COL12A1: variants seen among roughly 807,000 people sequenced by gnomAD.
COL12A1 encodes the protein collagen alpha-1(XII) chain.
A neutral mutation model predicts 349.7 loss-of-function variants in COL12A1; 114 were observed. That is an observed-to-expected ratio of 0.33 (90% confidence interval 0.28 to 0.38). The LOEUF (loss-of-function observed/expected upper bound fraction) is 0.38. Among genes scored for constraint, COL12A1 ranks in the 10% least tolerant of loss-of-function variants. COL12A1 has a pLI of 1.00. For missense variants in COL12A1, 3,284 were observed against 3,756.9 expected (o/e 0.87, Z 3.29); for synonymous variants, 1,369 against 1,329.0 (o/e 1.03, Z -0.66).
Position 75,158,142 on chromosome 6 carries a change from T to G in COL12A1, c.2984-1619A>C, listed in dbSNP as rs141568285. Among the ~76,000 whole-genome samples the G allele has an allele frequency of 1.3e-3, 198 of 152,258 alleles. 1 individual carries two copies. The highest frequency in any genetic ancestry group is 4.3e-3 in the African/African-American group (180 of 41,546). ...AAAACTTATGACTTGTATCATGGATTGAAGGTCTCCCACCACTAAATTCAT... is the reference window on the plus strand; with the variant it reads ...AAAACTTATGACTTGTATCATGGATGGAAGGTCTCCCACCACTAAATTCAT... On this transcript the variant is annotated intron_variant, in intron 14 of 65. Coordinates refer to ENST00000322507, the MANE Select transcript of COL12A1 (RefSeq NM_004370.6).
intron 43 of COL12A1, among the ~76,000 whole-genome samples, chr6:75,122,583 A>C (rs762288643): frequency 6.6e-6 from 1 of 152,246 alleles, no homozygotes; most frequent in Non-Finnish European, 1.5e-5. Flanking sequence ...ATCTAATTTA[A>C]AGGAATCCAT....
At chr6:75,121,788 G>T (rs951672079) in intron 43 of COL12A1, among the ~76,000 whole-genome samples, 1 of 151,780 alleles carries the variant, frequency 6.6e-6, no homozygotes, top group East Asian at 1.9e-4. Context: ...ATAAATGAGA[G>T]GAGAAATCAA....
Position 75,089,168 on chromosome 6 carries a change from G to A in COL12A1, c.8948C>T (p.Pro2983Leu). ...AGTACCCCTTTCACCTTTCTCTCCT[G>A]GCAAACCTAAGGAGGGAGAAAAAGA... ...MQGPPGERGLPGEKGERGTGS... is the reference protein window; with the variant it reads ...MQGPPGERGLLGEKGERGTGS... The change falls in exon 64 of 66, where the codon CCA becomes CTA. Residue 2983 changes from proline (P) to leucine (L), a missense_variant. Pro to Leu is a moderately conservative substitution (Grantham distance 98). Coordinates refer to ENST00000322507, the MANE Select transcript of COL12A1 (RefSeq NM_004370.6). The A allele has an allele frequency of 1.9e-6, 3 of 1,608,504 alleles. No individual in the cohort carries two copies. Among genetic ancestry groups the A allele is most frequent in the Non-Finnish European group, 2.5e-6 (3 of 1,178,260 alleles).
At chr6:75,196,873 C>A (rs897838484) in intron 2 of COL12A1, among the ~76,000 whole-genome samples, 1 of 152,124 alleles carries the variant, frequency 6.6e-6, no homozygotes, top group African/African-American at 2.4e-5. Flanking sequence ...GCAGTAGCAG[C>A]CCCCCTTGTT....
intron 43 of COL12A1, 139 bp from the exon 44 acceptor site, chr6:75,121,580 T>C (rs1169594117): frequency 2.0e-6 from 2 of 1,016,250 alleles, no homozygotes; most frequent in Non-Finnish European, 2.7e-6. Context: ...TGGGAGCTTG[T>C]TAGAAATGCA....
In COL12A1 at chr6:75,133,898, T is replaced by A. The variant is rs1766439498; in HGVS notation, c.5624A>T (p.Lys1875Met). 3 of 1,614,014 alleles carry A rather than the reference T, an allele frequency of 1.9e-6. No homozygotes were observed. The African/African-American group carries it at 4.0e-5, about 22-fold the overall frequency. Residue 1875 changes from lysine to methionine, a missense_variant, in exon 33 of 66, where the codon AAG (lysine) becomes ATG (methionine). Coordinates refer to ENST00000322507, the MANE Select transcript of COL12A1 (RefSeq NM_004370.6). ...ACCTGCTGCTGGTGCATAGAAGAGC[T>A]TGTACTGACGAGGATTTCCCTCTGC... ...DHAEGNPRQY[K>M]LFYAPAAGGP... is the part of the protein sequence containing the mutation.
At chr6:75,154,641 C>T in intron 16 of COL12A1, 104 bp from the exon 17 acceptor site, 1 of 1,220,808 alleles carries the variant, frequency 8.2e-7, no homozygotes, top group Non-Finnish European at 1.1e-6. Context: ...TACAAGCTTA[C>T]ACTATGAAGA....
chr6:75,139,030 A>G, intron 27 of COL12A1, 69 bp from the exon 28 acceptor site: 1 of 1,570,720 alleles, frequency 6.4e-7, no homozygotes, highest in Non-Finnish European at 8.7e-7. Flanking sequence ...AATATAATAA[A>G]AACTGCCTTG....
chr6:75,170,329 T>C (rs1768557446), intron 13 of COL12A1, among the ~76,000 whole-genome samples: 1 of 152,238 alleles, frequency 6.6e-6, no homozygotes, highest in Non-Finnish European at 1.5e-5. Flanking sequence ...CTAAATCAAT[T>C]TGTCTTTTCC....
intron 14 of COL12A1, among the ~76,000 whole-genome samples, chr6:75,163,072 A>T (rs761791379): frequency 6.6e-6 from 1 of 152,224 alleles, no homozygotes; most frequent in Non-Finnish European, 1.5e-5. Context: ...TAGCAGTGTA[A>T]ATTAGTTCAA....
chr6:75,087,261 G>A (rs1329042738), intron 65 of COL12A1: 6 of 331,222 alleles, frequency 1.8e-5, no homozygotes, highest in East Asian at 4.6e-5. Flanking sequence ...ACAAATCCCT[G>A]TTCCCAATCT....
At chr6:75,098,085 C>T (rs1483599734) in intron 58 of COL12A1, among the ~76,000 whole-genome samples, 1 of 152,142 alleles carries the variant, frequency 6.6e-6, no homozygotes, top group African/African-American at 2.4e-5. Context: ...AAATATTAAG[C>T]TCTGTAGTAA....
chr6:75,162,118 C>A (rs1214688881), intron 14 of COL12A1, among the ~76,000 whole-genome samples: 1 of 152,136 alleles, frequency 6.6e-6, no homozygotes, highest in Non-Finnish European at 1.5e-5. Context: ...ATCAAGCTAC[C>A]ATTGACTTTC....
At chr6:75,117,689 T>C in intron 46 of COL12A1, 143 bp from the exon 47 acceptor site, 1 of 698,826 alleles carries the variant, frequency 1.4e-6, no homozygotes, top group Non-Finnish European at 2.2e-6. Context: ...GTGAACTCTC[T>C]TTAATAAATA....
rs1463814093 is a variant in COL12A1, at chr6:75,095,618, C to T, written c.8578-439G>A. Among the ~76,000 whole-genome samples, 4 of 114,244 alleles carry T rather than the reference C, an allele frequency of 3.5e-5. No homozygotes were observed. In the East Asian group the frequency reaches 7.8e-4, roughly 22 times the overall value. 74.9% of individuals were successfully genotyped at this position (114,244 alleles called of 152,430 possible). A position where few individuals can be genotyped will look rare whatever the true frequency, so the allele number is the denominator to read the frequency against. ...CGGCCTGGGCGACAGAGCGAGACTC[C>T]GTCTCAAAAAAAAAAAAAAAAAAAA... On this transcript the variant is annotated intron_variant, in intron 59 of 65. Coordinates refer to ENST00000322507, the MANE Select transcript of COL12A1 (RefSeq NM_004370.6).
chr6:75,139,823 C>T (rs1055280618), intron 27 of COL12A1, among the ~76,000 whole-genome samples: 2 of 152,188 alleles, frequency 1.3e-5, no homozygotes, highest in African/African-American at 4.8e-5. Flanking sequence ...CCTCCATTGA[C>T]CAGGTCCTCT....
At chr6:75,104,623 C>T (rs1290080667) in intron 54 of COL12A1, among the ~76,000 whole-genome samples, 1 of 152,200 alleles carries the variant, frequency 6.6e-6, no homozygotes, top group Admixed American at 6.5e-5. Context: ...TCAATGAACT[C>T]TATCACTGCA....
In COL12A1 at chr6:75,175,217, T is replaced by C. The variant is rs1413015062; in HGVS notation, c.2531A>G (p.Tyr844Cys). 6.2e-7 allele frequency: 1 copy of C among 1,614,094 alleles called. No individual in the cohort carries two copies. The highest frequency in any genetic ancestry group is 8.5e-7 in the Non-Finnish European group (1 of 1,180,030). ...WSGAPGKVKQ[Y>C]LVTYTPVAGG... ...TGCCACTGGGGTATATGTGACGAGA[T>C]ACTGTTTCACTTTTCCTGGTGCCCC... is the stretch of plus-strand genomic sequence containing the variant. The change falls in exon 13 of 66, where the codon TAT becomes TGT. Residue 844 changes from tyrosine (Y) to cysteine (C), a missense_variant. Transcript: ENST00000322507.
chr6:75,139,679 C>T (rs1002554355), intron 27 of COL12A1, among the ~76,000 whole-genome samples: 18 of 152,242 alleles, frequency 1.2e-4, no homozygotes, highest in Non-Finnish European at 2.2e-4. Context: ...ATGTTACGAT[C>T]CAGGTAACCC....
Sources: gnomAD v4.1 joint callset for allele counts (sites outside exome capture counted in the v4.1 genomes callset) on GRCh38, gnomAD v4.1.1 for gene constraint, MANE v1.5 for transcripts, NCBI Gene and HGNC (gene_info 2026-07-23, HGNC 2026-07-21) for gene names.